Variants in IL34 observed in about 807,000 individuals in gnomAD.
IL34 encodes the protein interleukin 34.
Under a neutral mutation model 25.3 loss-of-function variants are expected in IL34, and 17 were observed. That is an observed-to-expected ratio of 0.67 (90% CI 0.46 to 1.01). The LOEUF is 1.01. IL34 is among the 50% of genes least tolerant of loss of function. The probability of loss-of-function intolerance (pLI) is 0.00; values close to 1 mark genes in which losing one functional copy is unlikely to be tolerated. For missense variants in IL34, 368 were observed against 312.9 expected (o/e 1.18, Z -1.33); for synonymous variants, 174 against 140.9 (o/e 1.23, Z -1.66).
intron 4 of IL34, 39 bp from the exon 5 acceptor site, chr16:70,659,579 C>T (rs774331963): frequency 6.4e-7 from 1 of 1,574,538 alleles, no homozygotes; most frequent in South Asian, 1.2e-5. Flanking sequence ...GGGTGCGGCC[C>T]CATCTCGCCA....
chr16:70,592,910 C>T (rs1451917824), intron 1 of IL34, among the ~76,000 whole-genome samples: 1 of 152,206 alleles, frequency 6.6e-6, no homozygotes, highest in African/African-American at 2.4e-5. Flanking sequence ...GCCTCGGCCT[C>T]CCAAAGTACT....
chr16:70,619,002 G>A lies in IL34; in HGVS notation c.-400-27546G>A, dbSNP rs2051220369. 2.0e-5 allele frequency among the ~76,000 whole-genome samples: 3 copies of A among 152,278 alleles called. 1 individual carries two copies. In the South Asian group the frequency reaches 6.2e-4, roughly 32 times the overall value. The stretch of plus-strand genomic sequence containing the variant: ...GTTATAGAGGCAGGTATTGAGGATA[G>A]GAGAGTATATGGGTTTGGCACCACG... On this transcript the variant is annotated intron_variant, in intron 1 of 6. Transcript: ENST00000429149.
chr16:70,583,582 G>A (rs931054793), intron 1 of IL34, among the ~76,000 whole-genome samples: 1 of 152,102 alleles, frequency 6.6e-6, no homozygotes, highest in Non-Finnish European at 1.5e-5. Flanking sequence ...GACAGGCCTG[G>A]GTCAGGGAAG....
At chr16:70,602,583 ATGTGTGTG>A (rs3058045) in intron 1 of IL34, among the ~76,000 whole-genome samples, 41 of 135,050 alleles carry the variant, frequency 3.0e-4, no homozygotes, top group African/African-American at 5.3e-4. Context: ...TTTGGAATTG[ATGTGTGTG>A]TGTGTGTGTG....
intron 1 of IL34, among the ~76,000 whole-genome samples, chr16:70,636,592 C>G (rs1444956309): frequency 3.4e-5 from 2 of 58,570 alleles, no homozygotes; most frequent in Non-Finnish European, 8.6e-5. Flanking sequence ...CTGTCACACA[C>G]ACACACACAC....
chr16:70,647,895 A>G (rs1417884282), intron 1 of IL34, among the ~76,000 whole-genome samples: 1 of 152,206 alleles, frequency 6.6e-6, no homozygotes, highest in African/African-American at 2.4e-5. Context: ...GCAGGGGTGC[A>G]GCATGGGGGA....
upstream of IL34, among the ~76,000 whole-genome samples, chr16:70,642,625 C>T (rs1450219978): frequency 6.6e-6 from 1 of 152,090 alleles, no homozygotes; most frequent in Non-Finnish European, 1.5e-5. Flanking sequence ...GGCATTATCC[C>T]ACCATAAGGA....
chr16:70,617,730 C>T (rs1172089834), intron 1 of IL34, among the ~76,000 whole-genome samples: 2 of 151,766 alleles, frequency 1.3e-5, no homozygotes, highest in South Asian at 2.1e-4. Context: ...GACGGAGGAC[C>T]GTAAGGGATA....
At position 70,660,181 on chromosome 16, in the gene IL34, G is replaced by GCC; in HGVS notation, c.725_726dup (p.Ter243ProfsTer7). The stretch of plus-strand genomic sequence containing the variant: ...TCAGGGCACAGGGCGAGGGCCTCTT[G>GCC]CCCTGAGCACCCTGGATGGTGACTG... On this transcript the variant is annotated frameshift_variant, in exon 6 of 6. Coordinates refer to ENST00000288098, the MANE Select transcript of IL34 (RefSeq NM_001393494.1). LOFTEE classifies it high-confidence loss of function. 1 of 1,580,280 alleles carries GCC rather than the reference G, an allele frequency of 6.3e-7. No homozygotes were observed. Among genetic ancestry groups the GCC allele is most frequent in the Non-Finnish European group, 8.6e-7 (1 of 1,164,928 alleles).
At chr16:70,594,248 A>T (rs1213563908) in intron 1 of IL34, among the ~76,000 whole-genome samples, 1 of 152,218 alleles carries the variant, frequency 6.6e-6, no homozygotes, top group East Asian at 1.9e-4. Context: ...CCTATCCATG[A>T]ACATGGAATA....
intron 1 of IL34, among the ~76,000 whole-genome samples, chr16:70,622,516 T>A (rs1414411815): frequency 6.6e-6 from 1 of 151,760 alleles, no homozygotes; most frequent in Admixed American, 6.6e-5. Context: ...CCTTTGCTGG[T>A]GTGTGGCGAT....
intron 2 of IL34, 148 bp downstream of exon 2, chr16:70,654,819 C>G: frequency 2.9e-6 from 3 of 1,036,366 alleles, no homozygotes; most frequent in Non-Finnish European, 4.1e-6. Context: ...CGAAACCTAC[C>G]CATGCACCTG....
intron 1 of IL34, among the ~76,000 whole-genome samples, chr16:70,606,868 G>A (rs1345612756): frequency 2.0e-5 from 3 of 152,144 alleles, no homozygotes; most frequent in Non-Finnish European, 4.4e-5. Context: ...GGTTACAGGT[G>A]TAAGCCATCG....
chr16:70,595,403 C>T (rs1325426185), intron 1 of IL34, among the ~76,000 whole-genome samples: 3 of 152,084 alleles, frequency 2.0e-5, no homozygotes, highest in Non-Finnish European at 4.4e-5. Flanking sequence ...TCACTGCAGC[C>T]TTGACCTCCT....
At chr16:70,599,304 CCTT>C (rs1472468579) in intron 1 of IL34, among the ~76,000 whole-genome samples, 5 of 125,960 alleles carry the variant, frequency 4.0e-5, no homozygotes, top group Admixed American at 1.6e-4. Flanking sequence ...TTCTTTCTTT[CCTT>C]CTTTCTTTCT....
At chr16:70,653,326 A>G (rs1306052060) in intron 1 of IL34, among the ~76,000 whole-genome samples, 1 of 150,968 alleles carries the variant, frequency 6.6e-6, no homozygotes, top group Non-Finnish European at 1.5e-5. Flanking sequence ...AAGCCTGGGC[A>G]ACATAGCAAA....
chr16:70,639,299 G>T (rs548113303), intron 1 of IL34, among the ~76,000 whole-genome samples: 1 of 152,294 alleles, frequency 6.6e-6, no homozygotes, highest in South Asian at 2.1e-4. Context: ...TGAGAAGCAG[G>T]CATTTGAAAA....
chr16:70,648,813 C>T (rs932596750), intron 1 of IL34, among the ~76,000 whole-genome samples: 4 of 152,036 alleles, frequency 2.6e-5, no homozygotes, highest in South Asian at 2.1e-4. Flanking sequence ...TTCTGGAGAC[C>T]GGAAGTGTGA....
At chr16:70,625,385 G>A (rs1407649806) in intron 1 of IL34, among the ~76,000 whole-genome samples, 2 of 152,074 alleles carry the variant, frequency 1.3e-5, no homozygotes, top group Admixed American at 6.5e-5. Context: ...AAGAGGTTGG[G>A]GTGCGGAAAT....
Sources: allele counts gnomAD v4.1 joint callset (sites outside exome capture counted in the v4.1 genomes callset), GRCh38; gene constraint gnomAD v4.1.1; transcripts MANE v1.5; gene names NCBI Gene and HGNC (gene_info 2026-07-23, HGNC 2026-07-21).